The following STAB2 variants were observed in gnomAD, a reference collection of about 807,000 sequenced individuals.
The protein encoded by STAB2 is stabilin-2.
A neutral mutation model predicts 338.1 loss-of-function variants in STAB2; 288 were observed. That is an observed-to-expected ratio of 0.85 (90% CI 0.77 to 0.94). The LOEUF is 0.94. Among genes scored for constraint, STAB2 ranks in the 40% least tolerant of loss-of-function variants. The pLI, the probability that STAB2 is intolerant of heterozygous loss-of-function variation, is 0.00. For synonymous variants in STAB2, 1,202 were observed against 1,193.3 expected (o/e 1.01, Z -0.15); for missense variants, 3,141 against 3,210.1 (o/e 0.98, Z 0.52).
At chr12:103,691,382 G>A (rs1218509643) in intron 30 of STAB2, among the ~76,000 whole-genome samples, 1 of 152,166 alleles carries the variant, frequency 6.6e-6, no homozygotes, top group Non-Finnish European at 1.5e-5. Flanking sequence ...ACATATATGT[G>A]ACTCATCAGA....
At chr12:103,708,388 G>A (rs1353555558) in intron 38 of STAB2, 53 bp from the exon 39 acceptor site, 1 of 1,562,064 alleles carries the variant, frequency 6.4e-7, no homozygotes, top group East Asian at 2.2e-5. Context: ...TGACAAATGA[G>A]TTATTGAACA....
At chr12:103,635,498 T>A (rs1181575913) in intron 6 of STAB2, among the ~76,000 whole-genome samples, 1 of 152,160 alleles carries the variant, frequency 6.6e-6, no homozygotes, top group Non-Finnish European at 1.5e-5. Context: ...CCTCCAGCAT[T>A]TGGCCACTGC....
chr12:103,617,246 G>A (rs964727905), intron 3 of STAB2, among the ~76,000 whole-genome samples: 4 of 152,150 alleles, frequency 2.6e-5, no homozygotes, highest in African/African-American at 7.2e-5. Context: ...CACTAGACTG[G>A]TAGGATCATG....
In STAB2 at chr12:103,739,328, A is replaced by G; in HGVS notation, c.5698-84A>G. 3 of 1,304,980 alleles carry G rather than the reference A, an allele frequency of 2.3e-6. No homozygotes were observed. In the South Asian group the frequency reaches 4.7e-5, roughly 20 times the overall value. 80.8% of individuals were successfully genotyped at this position (1,304,980 alleles called of 1,614,324 possible). On this transcript the variant is annotated intron_variant, in intron 53 of 68. Coordinates refer to ENST00000388887, the MANE Select transcript of STAB2 (RefSeq NM_017564.10). ...GAGTCTTAAGATTAGTTAAGCCCTTAATCCATCCAGGTATTAATCAGGAAC... is the reference window on the plus strand; with the variant it reads ...GAGTCTTAAGATTAGTTAAGCCCTTGATCCATCCAGGTATTAATCAGGAAC...
chr12:103,681,842 A>C (rs1876938231), intron 25 of STAB2, among the ~76,000 whole-genome samples: 1 of 151,622 alleles, frequency 6.6e-6, no homozygotes, highest in South Asian at 2.1e-4. Flanking sequence ...GATGGTCTCG[A>C]TGTCTTCACC....
rs1462648894 is a variant in STAB2 at position 103,753,158 on chromosome 12, T to C, written c.6581-62T>C. 23 of 1,596,766 alleles carry C rather than the reference T, an allele frequency of 1.4e-5. No individual in the cohort carries two copies. The East Asian group carries it at 3.6e-4, about 25-fold the overall frequency. On this transcript the variant is annotated intron_variant, in intron 60 of 68. Coordinates refer to ENST00000388887, the MANE Select transcript of STAB2 (RefSeq NM_017564.10). ...CATTTTGAAAGTCCTTCAGAGTCCA[T>C]TGTTGGAAACACTGCCAACCTGGTG...
chr12:103,615,363 G>A (rs367804075), intron 3 of STAB2, among the ~76,000 whole-genome samples: 1 of 152,302 alleles, frequency 6.6e-6, no homozygotes, highest in East Asian at 1.9e-4. Flanking sequence ...AGGAAAGTTG[G>A]ATGGAAAAGC....
At chr12:103,651,942 A>AT in intron 11 of STAB2, among the ~76,000 whole-genome samples, 1 of 152,318 alleles carries the variant, frequency 6.6e-6, no homozygotes, top group Admixed American at 6.5e-5. Context: ...AGATGTCCTC[A>AT]TACCACTCCT....
chr12:103,610,515 T>C (rs558024114), intron 3 of STAB2, among the ~76,000 whole-genome samples: 40 of 152,368 alleles, frequency 2.6e-4, no homozygotes, highest in Middle Eastern at 3.4e-3. Flanking sequence ...TTTGTATTTC[T>C]GTGGGATCGG....
At chr12:103,715,282 G>A (rs1341170937) in intron 42 of STAB2, among the ~76,000 whole-genome samples, 1 of 152,168 alleles carries the variant, frequency 6.6e-6, no homozygotes, top group African/African-American at 2.4e-5. Flanking sequence ...CTCAGTGAAG[G>A]TGCTGTGATG....
intron 34 of STAB2, among the ~76,000 whole-genome samples, chr12:103,699,490 GAC>G (rs778951460): frequency 6.6e-6 from 1 of 152,174 alleles, no homozygotes; most frequent in Non-Finnish European, 1.5e-5. Flanking sequence ...CAGGCAAAAA[GAC>G]AGCTCGTGCA....
At position 103,726,884 on chromosome 12, in the gene STAB2, T is replaced by A. The variant is rs1881250547; in HGVS notation, c.4852-383T>A. ...AGAAGACAATTATAACAGTTAAGTA[T>A]ATCAACTCACGTTTTATGTTTGTAT... On this transcript the variant is annotated intron_variant, in intron 46 of 68. Coordinates refer to ENST00000388887, the MANE Select transcript of STAB2 (RefSeq NM_017564.10). Among the ~76,000 whole-genome samples the A allele has an allele frequency of 3.3e-5, 5 of 152,168 alleles. 1 individual carries two copies. The South Asian group carries it at 1.0e-3, about 32-fold the overall frequency.
At chr12:103,608,460 A>G (rs151004354) in intron 3 of STAB2, among the ~76,000 whole-genome samples, 2,634 of 152,208 alleles carry the variant, frequency 0.017, 71 homozygotes, top group African/African-American at 0.06. Flanking sequence ...GCATTTTTTC[A>G]TGTGTCTTTT....
At chr12:103,640,595 A>G (rs1872852897) in intron 9 of STAB2, among the ~76,000 whole-genome samples, 1 of 152,204 alleles carries the variant, frequency 6.6e-6, no homozygotes, top group Non-Finnish European at 1.5e-5. Context: ...TCTAATGTAC[A>G]TGCCTGTTTC....
At position 103,670,695 on chromosome 12, in the gene STAB2, G is replaced by A; in HGVS notation, c.2260-1G>A. On this transcript the variant is annotated splice_acceptor_variant, in intron 21 of 68. Transcript: ENST00000388887. LOFTEE classifies it high-confidence loss of function. ...CCCATGGGCCCTGCCTTTGCTCCCA[G>A]TGTGCAGATAGCCTCGGCGGCAACG... 3 of 1,613,682 alleles carry A rather than the reference G, an allele frequency of 1.9e-6. No individual in the cohort carries two copies. The highest frequency in any genetic ancestry group is 2.5e-6 in the Non-Finnish European group (3 of 1,179,750).
chr12:103,711,004 T>C (rs528565742), intron 39 of STAB2, among the ~76,000 whole-genome samples: 1 of 152,164 alleles, frequency 6.6e-6, no homozygotes, highest in East Asian at 1.9e-4. Context: ...TTTCTGCACA[T>C]GCAAAAAAAT....
At position 103,716,066 on chromosome 12, in the gene STAB2, TGGG is replaced by T. The variant is rs375946784; in HGVS notation, c.4611+181_4611+183del. 4.3e-4 allele frequency among the ~76,000 whole-genome samples: 66 copies of T among 152,080 alleles called. 1 individual carries two copies. The South Asian group carries it at 0.012, about 27-fold the overall frequency. On this transcript the variant is annotated intron_variant, in intron 43 of 68. Transcript: ENST00000388887. ...GCCCTTCTTTGGGAATGAGGTGAAA[TGGG>T]GGAAAACCAAGGGTACTAGGACAAG...
intron 51 of STAB2, among the ~76,000 whole-genome samples, chr12:103,734,285 G>A (rs1462212718): frequency 6.6e-6 from 1 of 150,448 alleles, no homozygotes; most frequent in African/African-American, 2.5e-5. Context: ...TCATATAGGA[G>A]CAAGCACGAT....
intron 50 of STAB2, 26 bp downstream of exon 50, chr12:103,731,661 A>G (rs779924181): frequency 1.9e-6 from 3 of 1,604,936 alleles, no homozygotes; most frequent in Non-Finnish European, 2.6e-6. Flanking sequence ...AAGTTGACTC[A>G]GAGGATAACC....
Sources: allele counts gnomAD v4.1 joint callset (sites outside exome capture counted in the v4.1 genomes callset), GRCh38; gene constraint gnomAD v4.1.1; transcripts MANE v1.5; gene names NCBI Gene and HGNC (gene_info 2026-07-23, HGNC 2026-07-21).